KIAA1217: variants seen among roughly 807,000 people sequenced by gnomAD.
KIAA1217 encodes KIAA1217.
A neutral mutation model predicts 163.9 loss-of-function variants in KIAA1217; 88 were observed. The ratio of observed to expected loss-of-function variants is 0.54; its 90% CI spans 0.45 to 0.64. KIAA1217 has a LOEUF of 0.64. Ranked by LOEUF, KIAA1217 falls within the 30% of genes least tolerant of loss-of-function variation. KIAA1217 has a pLI of 0.00. For missense variants in KIAA1217, 2,372 were observed against 2,475.0 expected, an observed-to-expected ratio of 0.96 and a Z score of 0.88; for synonymous variants, 903 against 923.1, an observed-to-expected ratio of 0.98 and a Z score of 0.39.
intron 1 of KIAA1217, among the ~76,000 whole-genome samples, chr10:23,812,698 A>G (rs1157155613): frequency 6.6e-6 from 1 of 152,002 alleles, no homozygotes; most frequent in Non-Finnish European, 1.5e-5. Flanking sequence ...GCCTCCCATC[A>G]ATTTTCTACT....
chr10:24,451,677 C>G (rs188009948), intron 5 of KIAA1217, among the ~76,000 whole-genome samples: 17 of 152,280 alleles, frequency 1.1e-4, no homozygotes, highest in African/African-American at 3.8e-4. Context: ...GGTTAGCTCC[C>G]GAAGAGTTCT....
intron 2 of KIAA1217, among the ~76,000 whole-genome samples, chr10:24,094,254 T>G (rs1292181984): frequency 6.6e-6 from 1 of 152,204 alleles, no homozygotes; most frequent in Non-Finnish European, 1.5e-5. Flanking sequence ...TGAACTAGTT[T>G]ACAGTCCCAC....
intron 1 of KIAA1217, among the ~76,000 whole-genome samples, chr10:23,916,700 G>A (rs1031187272): frequency 3.9e-5 from 6 of 152,246 alleles, no homozygotes; most frequent in South Asian, 2.1e-4. Context: ...CTGGCAGGGC[G>A]CAGTGGCTAG....
chr10:24,383,306 C>T (rs555651593), intron 3 of KIAA1217, among the ~76,000 whole-genome samples: 1 of 152,318 alleles, frequency 6.6e-6, no homozygotes, highest in South Asian at 2.1e-4. Context: ...CCGCCTTCCC[C>T]CATACCTGGG....
chr10:24,446,249 T>G (rs906822751), intron 5 of KIAA1217, among the ~76,000 whole-genome samples: 1 of 152,180 alleles, frequency 6.6e-6, no homozygotes, highest in Non-Finnish European at 1.5e-5. Flanking sequence ...TCTTGTAAAT[T>G]TGTTTGAGTT....
chr10:24,308,098 T>C (rs146643405), intron 2 of KIAA1217, among the ~76,000 whole-genome samples: 296 of 152,336 alleles, frequency 1.9e-3, no homozygotes, highest in African/African-American at 6.8e-3. Context: ...TTCTTACGTG[T>C]AACAATTGTT....
chr10:23,829,015 T>G (rs566412452), intron 1 of KIAA1217, among the ~76,000 whole-genome samples: 80 of 152,358 alleles, frequency 5.3e-4, no homozygotes, highest in African/African-American at 1.9e-3. Flanking sequence ...ACTTCTGTCC[T>G]ATGACATACA....
At chr10:24,168,234 C>T (rs557762251) in intron 2 of KIAA1217, among the ~76,000 whole-genome samples, 24 of 152,146 alleles carry the variant, frequency 1.6e-4, no homozygotes, top group South Asian at 4.2e-4. Flanking sequence ...ATCAATTAAG[C>T]GCCTCTAGAT....
chr10:23,971,721 G>T (rs1020150177), intron 1 of KIAA1217, among the ~76,000 whole-genome samples: 5 of 152,136 alleles, frequency 3.3e-5, no homozygotes, highest in Non-Finnish European at 7.3e-5. Context: ...CTCTTGTGGG[G>T]AAAATCTACA....
At chr10:24,464,406 G>A (rs16924794) in intron 5 of KIAA1217, among the ~76,000 whole-genome samples, 4,930 of 152,162 alleles carry the variant, frequency 0.032, 281 homozygotes, top group African/African-American at 0.11. Context: ...GCATTGAACC[G>A]ACCGACTCTC....
chr10:24,100,597 G>A (rs1038265792), intron 2 of KIAA1217, among the ~76,000 whole-genome samples: 4 of 152,158 alleles, frequency 2.6e-5, no homozygotes, highest in African/African-American at 9.7e-5. Flanking sequence ...TAAAGTGAAT[G>A]TTGCTTTTAG....
rs2068119415 is a variant in KIAA1217 at position 24,211,576 on chromosome 10, TATTGTATTGTATTG to T, written c.70+2314_70+2327del. 4.1e-5 allele frequency among the ~76,000 whole-genome samples: 6 copies of T among 144,854 alleles called. No individual in the cohort carries two copies. The South Asian group carries it at 1.3e-3, about 32-fold the overall frequency. On this transcript the variant is annotated intron_variant, in intron 1 of 20. Transcript: ENST00000376454. Reference sequence around the variant, plus strand: ...TATTGTATTGTATTGTATTGTATTGTATTGTATTGTATTGTATTTTATTTTATTTTAGAGAAGGG... The same window carrying T: ...TATTGTATTGTATTGTATTGTATTGTTATTTTATTTTATTTTAGAGAAGGG...
chr10:24,390,571 G>C (rs2054784786), intron 3 of KIAA1217, among the ~76,000 whole-genome samples: 1 of 151,512 alleles, frequency 6.6e-6, no homozygotes, highest in African/African-American at 2.4e-5. Flanking sequence ...GAAAGAGAGA[G>C]GGAGGGAGGG....
intron 2 of KIAA1217, chr10:24,157,780 AACTGGT>A (rs2064944798): frequency 2.7e-6 from 1 of 371,670 alleles, no homozygotes; most frequent in Non-Finnish European, 4.8e-6. Context: ...GAAGTAGAGC[AACTGGT>A]ACTCTCATAT....
intron 1 of KIAA1217, among the ~76,000 whole-genome samples, chr10:23,760,491 G>A (rs940992281): frequency 1.3e-5 from 2 of 152,216 alleles, no homozygotes; most frequent in African/African-American, 4.8e-5. Context: ...AGGGACTGGA[G>A]TGGACAATGT....
intron 1 of KIAA1217, among the ~76,000 whole-genome samples, chr10:23,797,830 A>G (rs984373878): frequency 6.6e-6 from 1 of 152,150 alleles, no homozygotes; most frequent in Non-Finnish European, 1.5e-5. Flanking sequence ...GAGCCAAACC[A>G]TATTATTCCA....
chr10:24,058,836 G>A (rs2060616846), intron 2 of KIAA1217, among the ~76,000 whole-genome samples: 1 of 152,090 alleles, frequency 6.6e-6, no homozygotes. Context: ...CTGCAGAGGA[G>A]GATAACTTTA....
At chr10:24,151,191 G>A (rs2064596748) in intron 2 of KIAA1217, among the ~76,000 whole-genome samples, 2 of 151,930 alleles carry the variant, frequency 1.3e-5, no homozygotes, top group African/African-American at 4.8e-5. Flanking sequence ...TTTACTTTTT[G>A]GTTGTAGAGG....
chr10:24,297,111 G>A (rs1327887982), intron 2 of KIAA1217, among the ~76,000 whole-genome samples: 1 of 152,178 alleles, frequency 6.6e-6, no homozygotes, highest in Non-Finnish European at 1.5e-5. Flanking sequence ...AACATATAAA[G>A]TAAGGAAGAT....
Sources: gnomAD v4.1 joint callset for allele counts (sites outside exome capture counted in the v4.1 genomes callset) on GRCh38, gnomAD v4.1.1 for gene constraint, MANE v1.5 for transcripts, NCBI Gene and HGNC (gene_info 2026-07-23, HGNC 2026-07-21) for gene names.